Variants in CAPN3 observed in about 807,000 individuals in gnomAD.
CAPN3 encodes the protein calpain-3.
CAPN3 carries 88 observed loss-of-function variants against 114.0 expected under a neutral mutation model. The ratio of observed to expected loss-of-function variants is 0.77; its 90% CI spans 0.65 to 0.92. The LOEUF (loss-of-function observed/expected upper bound fraction) is 0.92. Among genes scored for constraint, CAPN3 ranks in the 40% least tolerant of loss-of-function variants. The probability of loss-of-function intolerance (pLI) is 0.00; values close to 1 mark genes in which losing one functional copy is unlikely to be tolerated. For synonymous variants in CAPN3, 386 were observed against 382.9 expected, an observed-to-expected ratio of 1.01 and a Z score of -0.09; for missense variants, 1,028 against 1,069.0, an observed-to-expected ratio of 0.96 and a Z score of 0.53.
intron 6 of CAPN3, among the ~76,000 whole-genome samples, chr15:42,392,202 C>T (rs2053573503): frequency 6.6e-6 from 1 of 151,932 alleles, no homozygotes; most frequent in South Asian, 2.1e-4. Flanking sequence ...AAAAGCTAGA[C>T]TTACATGTGT....
chr15:42,409,298 C>A lies in CAPN3; in HGVS notation c.1915-5C>A. The A allele has an allele frequency of 1.2e-6, 2 of 1,614,072 alleles. No individual in the cohort carries two copies. Among genetic ancestry groups the A allele is most frequent in the East Asian group, 2.2e-5 (1 of 44,882 alleles). ...GTGAACCAGTTTTCCTTTGTGCCTCCACAGCCACAGCCTGGCAGCTCTGAT... is the reference window on the plus strand; with the variant it reads ...GTGAACCAGTTTTCCTTTGTGCCTCAACAGCCACAGCCTGGCAGCTCTGAT... On this transcript the variant is annotated splice_polypyrimidine_tract_variant and splice_region_variant and intron_variant, in intron 16 of 23. Coordinates refer to ENST00000397163, the MANE Select transcript of CAPN3 (RefSeq NM_000070.3).
intron 15 of CAPN3, among the ~76,000 whole-genome samples, chr15:42,407,113 CCA>C (rs1265304147): frequency 1.3e-5 from 2 of 152,186 alleles, no homozygotes; most frequent in African/African-American, 2.4e-5. Flanking sequence ...TGCACCGCAT[CCA>C]CAGTGTTGGC....
chr15:42,399,969 A>AAG (rs1239635155), intron 10 of CAPN3, among the ~76,000 whole-genome samples: 3 of 152,160 alleles, frequency 2.0e-5, no homozygotes, highest in Non-Finnish European at 4.4e-5. Flanking sequence ...CAAACATCAT[A>AAG]GCTTAGCCTG....
chr15:42,388,516 A>G (rs1286952354), intron 4 of CAPN3, among the ~76,000 whole-genome samples: 1 of 152,114 alleles, frequency 6.6e-6, no homozygotes, highest in Non-Finnish European at 1.5e-5. Context: ...CATGTTGCCC[A>G]GACTGGTCTC....
At chr15:42,392,171 CAAAAA>C (rs1051501250) in intron 6 of CAPN3, among the ~76,000 whole-genome samples, 3 of 151,866 alleles carry the variant, frequency 2.0e-5, no homozygotes, top group South Asian at 2.1e-4. Flanking sequence ...TCTCAAAAAA[CAAAAA>C]AGAAAGAAAA....
chr15:42,378,430 G>A (rs1005487582), intron 1 of CAPN3, among the ~76,000 whole-genome samples: 12 of 152,178 alleles, frequency 7.9e-5, no homozygotes, highest in Admixed American at 2.0e-4. Context: ...GAGGGTTTGT[G>A]TTTATATCCT....
intron 1 of CAPN3, among the ~76,000 whole-genome samples, chr15:42,383,215 G>T (rs1346787592): frequency 6.6e-6 from 1 of 152,138 alleles, no homozygotes; most frequent in Non-Finnish European, 1.5e-5. Context: ...GGGGGTTGGG[G>T]GAAGGTGGAG....
chr15:42,364,174 C>G (rs2052720841), intron 1 of CAPN3, among the ~76,000 whole-genome samples: 1 of 152,186 alleles, frequency 6.6e-6, no homozygotes, highest in Non-Finnish European at 1.5e-5. Flanking sequence ...AGAGCCCAGG[C>G]TCTGAGGTCA....
rs144663573 is a variant in CAPN3, at chr15:42,373,339, A to G, written c.310-11144A>G. On this transcript the variant is annotated intron_variant, in intron 1 of 23. Transcript: ENST00000397163. ...TGGGCCCTGGGAATCTGTATTTTCA[A>G]CTGGCAGACCAGATGATTCTGATGC... Among the ~76,000 whole-genome samples the G allele has an allele frequency of 1.6e-4, 24 of 152,334 alleles. No homozygotes were observed. The East Asian group carries it at 4.4e-3, about 28-fold the overall frequency.
chr15:42,372,006 C>T (rs558591088), intron 1 of CAPN3, among the ~76,000 whole-genome samples: 1 of 151,482 alleles, frequency 6.6e-6, no homozygotes, highest in East Asian at 1.9e-4. Flanking sequence ...AAAAAAAAGG[C>T]TGTTGGGACT....
chr15:42,412,290 C>T lies in CAPN3; in HGVS notation c.*517C>T. 9.2e-7 allele frequency: 1 copy of T among 1,089,066 alleles called. No individual in the cohort carries two copies. The highest frequency in any genetic ancestry group is 1.3e-6 in the Non-Finnish European group (1 of 753,968). The allele number at this position is 1,089,066 out of a possible 1,614,324, so 67.5% of individuals were successfully genotyped here. A position where few individuals can be genotyped will look rare whatever the true frequency, so the allele number is the denominator to read the frequency against. ...TGGCTGCATTTTGAAAAAAGCTGAT[C>T]TAAATAAAGGCATGTGTATGGCTGG... is the stretch of plus-strand genomic sequence containing the variant. On this transcript the variant is annotated 3_prime_UTR_variant, in exon 24 of 24. Coordinates refer to ENST00000397163, the MANE Select transcript of CAPN3 (RefSeq NM_000070.3).
chr15:42,404,837 C>T (rs575628715), intron 14 of CAPN3: 67 of 1,071,002 alleles, frequency 6.3e-5, no homozygotes, highest in Admixed American at 1.4e-4. Flanking sequence ...TGACCACAGG[C>T]GATTGGTTTT....
chr15:42,365,622 C>T (rs1341781706), intron 1 of CAPN3, among the ~76,000 whole-genome samples: 2 of 152,132 alleles, frequency 1.3e-5, no homozygotes, highest in African/African-American at 4.8e-5. Context: ...CTCCTGTCCC[C>T]ACCTCTCTGT....
At chr15:42,394,455 C>G in intron 8 of CAPN3, 114 bp downstream of exon 8, 1 of 852,696 alleles carries the variant, frequency 1.2e-6, no homozygotes, top group Non-Finnish European at 1.9e-6. Context: ...AAATCACCCT[C>G]AAAACCAATG....
In CAPN3 at chr15:42,408,230, ACAGAG is replaced by A; in HGVS notation, c.1823_1827del (p.Arg608LysfsTer22). ...CTCCAGCCCATCATCTTCGTTTCGGACAGAGCAAACAGCAACAAGGAGCTGGGTGT... is the reference window on the plus strand; with the variant it reads ...CTCCAGCCCATCATCTTCGTTTCGGACAAACAGCAACAAGGAGCTGGGTGT... On this transcript the variant is annotated frameshift_variant, in exon 16 of 24. Transcript: ENST00000397163. LOFTEE classifies it high-confidence loss of function. The A allele has an allele frequency of 6.2e-7, 1 of 1,613,388 alleles. No homozygotes were observed. The highest frequency in any genetic ancestry group is 8.5e-7 in the Non-Finnish European group (1 of 1,179,656).
At chr15:42,375,082 C>T (rs543473794) in intron 1 of CAPN3, among the ~76,000 whole-genome samples, 3 of 151,234 alleles carry the variant, frequency 2.0e-5, no homozygotes, top group South Asian at 2.1e-4. Context: ...TCAAACCCCT[C>T]GGCTCAAGCA....
intron 1 of CAPN3, among the ~76,000 whole-genome samples, chr15:42,371,280 T>C (rs530284096): frequency 2.0e-5 from 3 of 152,278 alleles, no homozygotes; most frequent in South Asian, 2.1e-4. Flanking sequence ...ACTTCTATTA[T>C]ATTCTACAAG....
rs778435702 is a variant in CAPN3, at chr15:42,402,099, A to C, written c.1525-25A>C. 214 of 1,613,926 alleles carry C rather than the reference A, an allele frequency of 1.3e-4. No homozygotes were observed. The highest frequency in any genetic ancestry group is 1.7e-4 in the Non-Finnish European group (206 of 1,180,006). ...CCTCATCCTCATTCACATCTGAAGCATCTTCCTTTCTGTTTCTTCTCAAGG... is the reference window on the plus strand; with the variant it reads ...CCTCATCCTCATTCACATCTGAAGCCTCTTCCTTTCTGTTTCTTCTCAAGG... On this transcript the variant is annotated intron_variant, in intron 11 of 23. Transcript: ENST00000397163.
At chr15:42,365,386 C>T (rs984849808) in intron 1 of CAPN3, among the ~76,000 whole-genome samples, 3 of 152,174 alleles carry the variant, frequency 2.0e-5, no homozygotes, top group Admixed American at 6.5e-5. Context: ...ATCCGTTCTC[C>T]CTTCCTCCAC....
Sources: allele counts gnomAD v4.1 joint callset (sites outside exome capture counted in the v4.1 genomes callset), GRCh38; gene constraint gnomAD v4.1.1; transcripts MANE v1.5; gene names NCBI Gene and HGNC (gene_info 2026-07-23, HGNC 2026-07-21).